The following IVNS1ABP variants were observed in gnomAD, a reference collection of about 807,000 sequenced individuals.
The protein encoded by IVNS1ABP is influenza virus NS1A binding protein.
IVNS1ABP carries 25 observed loss-of-function variants against 78.9 expected under a neutral mutation model. The observed-to-expected ratio is 0.32, with a 90% confidence interval of 0.23 to 0.44. The LOEUF is 0.44. IVNS1ABP is among the 20% of genes least tolerant of loss of function. The probability of loss-of-function intolerance (pLI) is 1.00; values close to 1 mark genes in which losing one functional copy is unlikely to be tolerated. For missense variants in IVNS1ABP, 494 were observed against 768.9 expected, an observed-to-expected ratio of 0.64 and a Z score of 4.23; for synonymous variants, 241 against 259.7, an observed-to-expected ratio of 0.93 and a Z score of 0.69.
At chr1:185,303,672 A>G (rs370399807) in intron 8 of IVNS1ABP, among the ~76,000 whole-genome samples, 3 of 152,192 alleles carry the variant, frequency 2.0e-5, no homozygotes, top group East Asian at 3.9e-4. Context: ...TTTCTCCTTC[A>G]TGCCCCTAGA....
chr1:185,316,560 G>A (rs1291610996), intron 1 of IVNS1ABP, among the ~76,000 whole-genome samples: 1 of 152,194 alleles, frequency 6.6e-6, no homozygotes, highest in Non-Finnish European at 1.5e-5. Flanking sequence ...GGGGAGTCCC[G>A]CGCCCTCCTT....
rs370542961 is a variant in IVNS1ABP at position 185,301,050 on chromosome 1, C to T, written c.1042G>A (p.Glu348Lys). The T allele has an allele frequency of 8.1e-6, 13 of 1,613,352 alleles. No individual in the cohort carries two copies. The highest frequency in any genetic ancestry group is 1.3e-5 in the African/African-American group (1 of 74,846). Residue 348 changes from glutamate (E) to lysine (K), a missense_variant, in exon 10 of 15, where the codon GAA becomes AAA. Coordinates refer to ENST00000367498, the MANE Select transcript of IVNS1ABP (RefSeq NM_006469.5). ...TACTGCATAGGAGACATGGGCTTTT[C>T]GATTAGCTCATCTTGTTGCATCTCA... ...SFEMQQDELI[E>K]KPMSPMQYAR...
rs1440385571 is a variant in IVNS1ABP at position 185,305,280 on chromosome 1, T to A, written c.765+256A>T. 6.6e-6 allele frequency among the ~76,000 whole-genome samples: 1 copy of A among 152,192 alleles called. No individual in the cohort carries two copies. The highest frequency in any genetic ancestry group is 1.5e-5 in the Non-Finnish European group (1 of 68,018). ...CCCAAATAATTTCTATATTGTTCCATCTTATTGGCCTTTACTGTTTGTAAT... is the reference window on the plus strand; with the variant it reads ...CCCAAATAATTTCTATATTGTTCCAACTTATTGGCCTTTACTGTTTGTAAT... On this transcript the variant is annotated intron_variant, in intron 8 of 14. Coordinates refer to ENST00000367498, the MANE Select transcript of IVNS1ABP (RefSeq NM_006469.5). This position sits in a 1 kb window ranked among gnomAD's most constrained non-coding sequence, Gnocchi z 4.0.
chr1:185,305,023 G>C lies in IVNS1ABP; in HGVS notation c.765+513C>G, dbSNP rs779271002. Among the ~76,000 whole-genome samples, 5 of 151,974 alleles carry C rather than the reference G, an allele frequency of 3.3e-5. No individual in the cohort carries two copies. The highest frequency in any genetic ancestry group is 7.4e-5 in the Non-Finnish European group (5 of 67,970). On this transcript the variant is annotated intron_variant, in intron 8 of 14. Coordinates refer to ENST00000367498, the MANE Select transcript of IVNS1ABP (RefSeq NM_006469.5). The surrounding 1 kb of genome is among the most constrained non-coding windows in gnomAD (Gnocchi z 4.0). ...ACTCTACTATATTTTAATTCATCTT[G>C]GTTAAAGAAACATCTAGATCAGGTT... is the stretch of plus-strand genomic sequence containing the variant.
intron 1 of IVNS1ABP, 99 bp from the exon 2 acceptor site, chr1:185,311,421 G>C: frequency 2.7e-6 from 1 of 375,996 alleles, no homozygotes; most frequent in Non-Finnish European, 4.7e-6. Flanking sequence ...TGATCTTCAA[G>C]AGATTTGACA....
At position 185,298,492 on chromosome 1, in the gene IVNS1ABP, G is replaced by T. The variant is rs768292979; in HGVS notation, c.1676-204C>A. ...AAATCAATAAAAAAACCATTCCCAC[G>T]TGGAACTTAGGCAACTTAAAAGGGG... On this transcript the variant is annotated intron_variant, in intron 14 of 14. Transcript: ENST00000367498. This position sits in a 1 kb window ranked among gnomAD's most constrained non-coding sequence, Gnocchi z 4.1. The T allele has an allele frequency of 2.3e-5, 13 of 566,184 alleles. No individual in the cohort carries two copies. Among genetic ancestry groups the T allele is most frequent in the Admixed American group, 3.6e-5 (1 of 28,100 alleles). The allele number at this position is 566,184 out of a possible 1,614,324, so 35.1% of individuals were successfully genotyped here.
At chr1:185,306,750 T>C in intron 7 of IVNS1ABP, 1 of 741,434 alleles carries the variant, frequency 1.3e-6, no homozygotes, top group Non-Finnish European at 1.9e-6. Flanking sequence ...CCACTTCCCA[T>C]TTCTAAAGCA....
At position 185,298,363 on chromosome 1, in the gene IVNS1ABP, T is replaced by G; in HGVS notation, c.1676-75A>C. 7.3e-7 allele frequency: 1 copy of G among 1,368,942 alleles called. No homozygotes were observed. Among genetic ancestry groups the G allele is most frequent in the Admixed American group, 2.3e-5 (1 of 43,242 alleles). 84.8% of individuals were successfully genotyped at this position (1,368,942 alleles called of 1,614,324 possible). A position where few individuals can be genotyped will look rare whatever the true frequency, so the allele number is the denominator to read the frequency against. ...GTAAAACTCCCCTAAATCTGTCTTT[T>G]GCTTAAAAATCAGTGGTTTTAAAAA... On this transcript the variant is annotated intron_variant, in intron 14 of 14. Transcript: ENST00000367498. The surrounding 1 kb of genome is among the most constrained non-coding windows in gnomAD (Gnocchi z 4.1).
intron 6 of IVNS1ABP, 45 bp from the exon 7 acceptor site, chr1:185,307,184 A>G: frequency 1.3e-6 from 2 of 1,599,984 alleles, no homozygotes; most frequent in Non-Finnish European, 8.5e-7. Flanking sequence ...TTGGGCTCCT[A>G]GTTCTCAGCT....
chr1:185,306,929 AT>A, intron 7 of IVNS1ABP, 84 bp downstream of exon 7: 1 of 1,466,102 alleles, frequency 6.8e-7, no homozygotes, highest in Non-Finnish European at 9.4e-7. Context: ...GGTCATGGTT[AT>A]AAAATAAAAG....
chr1:185,300,724 C>T (rs778534833), intron 10 of IVNS1ABP, 166 bp from the exon 11 acceptor site: 10 of 746,884 alleles, frequency 1.3e-5, no homozygotes, highest in East Asian at 5.4e-5. Flanking sequence ...GCTGAAAAAT[C>T]GCATTATCAG....
In IVNS1ABP at chr1:185,297,816, CAA is replaced by C; in HGVS notation, c.*217_*218del. The C allele has an allele frequency of 7.8e-6, 4 of 510,954 alleles. No homozygotes were observed. Among genetic ancestry groups the C allele is most frequent in the Admixed American group, 7.4e-5 (2 of 27,056 alleles). 31.7% of individuals were successfully genotyped at this position (510,954 alleles called of 1,614,324 possible). A position where few individuals can be genotyped will look rare whatever the true frequency, so the allele number is the denominator to read the frequency against. ...ATTCTTTTCCAAAAAGTAAAATAAC[CAA>C]AGTCTTAAAAGTACACAAAACAGAC... On this transcript the variant is annotated 3_prime_UTR_variant, in exon 15 of 15. Coordinates refer to ENST00000367498, the MANE Select transcript of IVNS1ABP (RefSeq NM_006469.5).
intron 10 of IVNS1ABP, 31 bp downstream of exon 10, chr1:185,300,941 T>C: frequency 6.3e-7 from 1 of 1,576,258 alleles, no homozygotes; most frequent in Non-Finnish European, 8.7e-7. Context: ...CCCATCTACA[T>C]GCTTAGCCAG....
intron 1 of IVNS1ABP, among the ~76,000 whole-genome samples, chr1:185,315,991 T>C (rs777219404): frequency 6.6e-6 from 1 of 152,216 alleles, no homozygotes; most frequent in Non-Finnish European, 1.5e-5. Context: ...AATAGATATG[T>C]CCACTACCTA....
intron 7 of IVNS1ABP, 51 bp downstream of exon 7, chr1:185,306,963 T>C (rs374252079): frequency 1.3e-5 from 20 of 1,586,062 alleles, no homozygotes; most frequent in African/African-American, 1.2e-4. Flanking sequence ...CTTCATGTTA[T>C]AGCAAAATAA....
rs747508958 is a variant in IVNS1ABP, at chr1:185,307,604, T to A, written c.416A>T (p.Asn139Ile). 2 of 1,613,668 alleles carry A rather than the reference T, an allele frequency of 1.2e-6. No individual in the cohort carries two copies. The highest frequency in any genetic ancestry group is 2.2e-5 in the South Asian group (2 of 91,078). The part of the protein sequence containing the change: ...MDVTSCISYR[N>I]FASCMGDSRL... ...GGAGTCTCCCATACAACTTGCAAAA[T>A]TTCGGTAAGAGATGCAGCTGGTAAC... The change falls in exon 6 of 15, where the codon AAT (asparagine) becomes ATT (isoleucine). Residue 139 changes from asparagine (N) to isoleucine (I), a missense_variant. By Grantham distance (149) the Asn-to-Ile change is moderately radical. Transcript: ENST00000367498.
chr1:185,309,211 T>A lies in IVNS1ABP; in HGVS notation c.112-39A>T, dbSNP rs145010628. On this transcript the variant is annotated intron_variant, in intron 3 of 14. Coordinates refer to ENST00000367498, the MANE Select transcript of IVNS1ABP (RefSeq NM_006469.5). ...GAATTATAATTATAAGTATTGTGGA[T>A]TATGTGCTTCTCTAGCTAATTACTA... The A allele has an allele frequency of 5.2e-4, 756 of 1,449,266 alleles. 9 individuals are homozygous for A. The East Asian group carries it at 0.015, about 30-fold the overall frequency. The allele number at this position is 1,449,266 out of a possible 1,614,324, so 89.8% of individuals were successfully genotyped here. A position where few individuals can be genotyped will look rare whatever the true frequency, so the allele number is the denominator to read the frequency against.
At position 185,301,200 on chromosome 1, in the gene IVNS1ABP, T is replaced by C. The variant is rs767093379; in HGVS notation, c.896-4A>G. The stretch of plus-strand genomic sequence containing the variant: ...GCCAGGCACAAGTAAGTGTTATCTG[T>C]AAGCACAAGAGTTCCATGTTTAAGA... On this transcript the variant is annotated splice_polypyrimidine_tract_variant and splice_region_variant and intron_variant, in intron 9 of 14. Transcript: ENST00000367498. 24 of 1,608,436 alleles carry C rather than the reference T, an allele frequency of 1.5e-5. No individual in the cohort carries two copies. The highest frequency in any genetic ancestry group is 1.9e-5 in the Non-Finnish European group (22 of 1,175,488).
intron 7 of IVNS1ABP, chr1:185,306,387 TA>T: frequency 2.9e-6 from 3 of 1,028,744 alleles, no homozygotes; most frequent in Non-Finnish European, 3.8e-6. Context: ...GTATTTTTTT[TA>T]AAAGTAGCCC....
Sources: gnomAD v4.1 joint callset for allele counts (sites outside exome capture counted in the v4.1 genomes callset) on GRCh38, gnomAD v4.1.1 for gene constraint, Gnocchi (gnomAD v3.1) non-coding constraint, MANE v1.5 for transcripts, NCBI Gene and HGNC (gene_info 2026-07-23, HGNC 2026-07-21) for gene names.